Variants in TJP1 observed in about 807,000 individuals in gnomAD.
The protein encoded by TJP1 is tight junction protein 1.
TJP1 carries 43 observed loss-of-function variants against 194.2 expected under a neutral mutation model. The observed-to-expected ratio is 0.22, with a 90% CI of 0.17 to 0.29. The LOEUF (loss-of-function observed/expected upper bound fraction) is 0.29. TJP1 is among the 10% of genes least tolerant of loss of function. The pLI is 1.00. For synonymous variants in TJP1, 801 were observed against 779.0 expected (o/e 1.03, Z -0.47); for missense variants, 1,971 against 2,185.7 (o/e 0.90, Z 1.96).
intron 2 of TJP1, among the ~76,000 whole-genome samples, chr15:29,839,867 T>C (rs981596795): frequency 1.3e-5 from 2 of 152,226 alleles, no homozygotes; most frequent in Admixed American, 6.5e-5. Context: ...CTACCACCAA[T>C]GTAGGAGTGA....
At chr15:29,822,516 C>G, upstream of TJP1, 1 of 978,668 alleles carries the variant, frequency 1.0e-6, no homozygotes, top group Non-Finnish European at 1.2e-6. Flanking sequence ...CCGGCGGGGG[C>G]GGGGCTGGAC....
chr15:29,712,773 A>G (rs909370254), intron 23 of TJP1, among the ~76,000 whole-genome samples: 5 of 151,666 alleles, frequency 3.3e-5, no homozygotes, highest in Admixed American at 6.6e-5. Flanking sequence ...AAGGATAATT[A>G]GCAGGTTCTG....
intron 5 of TJP1, 147 bp downstream of exon 5, chr15:29,766,119 C>T: frequency 2.8e-6 from 3 of 1,061,108 alleles, no homozygotes; most frequent in Non-Finnish European, 4.0e-6. Flanking sequence ...TCCCTGAAGC[C>T]TGCCATAACA....
At chr15:29,964,482 G>A (rs975994853) in intron 1 of TJP1, among the ~76,000 whole-genome samples, 3 of 152,166 alleles carry the variant, frequency 2.0e-5, no homozygotes, top group Admixed American at 2.0e-4. Context: ...GACAGAAGCA[G>A]AGAATGGATT....
intron 8 of TJP1, among the ~76,000 whole-genome samples, chr15:29,747,587 GT>G (rs1385442520): frequency 6.6e-6 from 1 of 152,150 alleles, no homozygotes; most frequent in Non-Finnish European, 1.5e-5. Context: ...AATTTTAATA[GT>G]TCTACAGATT....
intron 25 of TJP1, among the ~76,000 whole-genome samples, chr15:29,707,020 T>C (rs1252588464): frequency 6.6e-6 from 1 of 152,094 alleles, no homozygotes; most frequent in African/African-American, 2.4e-5. Flanking sequence ...TCAGACTTGA[T>C]AAAATCTCCC....
At chr15:29,918,813 G>A (rs1030340295) in intron 2 of TJP1, among the ~76,000 whole-genome samples, 10 of 152,172 alleles carry the variant, frequency 6.6e-5, no homozygotes, top group African/African-American at 1.7e-4. Context: ...AGCAAATAGC[G>A]TAAAAAGAGA....
chr15:29,872,006 C>T (rs1434375213), intron 2 of TJP1, among the ~76,000 whole-genome samples: 1 of 152,192 alleles, frequency 6.6e-6, no homozygotes, highest in African/African-American at 2.4e-5. Flanking sequence ...CAGGTCTGAA[C>T]ACACAGCACA....
rs1248126790 is a variant in TJP1, at chr15:29,719,771, A to G, written c.3003+6T>C. The G allele has an allele frequency of 1.2e-6, 2 of 1,611,052 alleles. No individual in the cohort carries two copies. The highest frequency in any genetic ancestry group is 1.7e-6 in the Non-Finnish European group (2 of 1,178,080). ...ACAAATTAGTGCAACACCGCAGCAC[A>G]GGTACCTTTGTTGGATCTACATGCG... is the stretch of plus-strand genomic sequence containing the variant. On this transcript the variant is annotated splice_donor_region_variant and intron_variant, in intron 20 of 27. Coordinates refer to ENST00000614355, the MANE Select transcript of TJP1 (RefSeq NM_001330239.4).
chr15:29,842,515 T>A (rs2152068736), intron 2 of TJP1, among the ~76,000 whole-genome samples: 1 of 152,140 alleles, frequency 6.6e-6, no homozygotes, highest in South Asian at 2.1e-4. Flanking sequence ...ATGGTTCACC[T>A]CACATGCACG....
In TJP1 at chr15:29,715,193, G is replaced by A. The variant is rs151333785; in HGVS notation, c.4202+1418C>T. 2.6e-4 allele frequency among the ~76,000 whole-genome samples: 39 copies of A among 152,072 alleles called. No homozygotes were observed. The East Asian group carries it at 3.9e-3, about 15-fold the overall frequency. ...GGTATGAACCCAGCTGTGCACCTGT[G>A]TGGGTTTATATTGTGCTAGCTCACT... On this transcript the variant is annotated intron_variant, in intron 23 of 27. Coordinates refer to ENST00000614355, the MANE Select transcript of TJP1 (RefSeq NM_001330239.4).
At chr15:29,801,919 A>T (rs1020783647) in intron 1 of TJP1, among the ~76,000 whole-genome samples, 11 of 152,044 alleles carry the variant, frequency 7.2e-5, no homozygotes, top group Admixed American at 5.2e-4. Flanking sequence ...AAAATCTCAT[A>T]ATGTTGTAAG....
At chr15:29,748,184 C>A (rs1566947811) in intron 8 of TJP1, among the ~76,000 whole-genome samples, 1 of 152,266 alleles carries the variant, frequency 6.6e-6, no homozygotes, top group East Asian at 1.9e-4. Flanking sequence ...AATTTTATTA[C>A]TCAATGTATC....
intron 4 of TJP1, among the ~76,000 whole-genome samples, chr15:29,768,839 A>G (rs1193506812): frequency 4.6e-5 from 7 of 151,956 alleles, no homozygotes; most frequent in African/African-American, 1.7e-4. Context: ...ATATTTAGGA[A>G]AAAAAATGCC....
intron 2 of TJP1, among the ~76,000 whole-genome samples, chr15:29,921,146 G>A (rs1258630333): frequency 1.3e-5 from 2 of 152,088 alleles, no homozygotes; most frequent in Non-Finnish European, 2.9e-5. Context: ...CCATCATCCT[G>A]GATTATTTCA....
In TJP1 at chr15:29,820,693, G is replaced by C. The variant is rs41280060; in HGVS notation, c.27+1309C>G. 6.8e-3 allele frequency: 4,097 copies of C among 602,954 alleles called. 22 individuals carry two copies. Among genetic ancestry groups the C allele is most frequent in the Non-Finnish European group, 8.9e-3 (2,969 of 332,964 alleles). 37.4% of individuals were successfully genotyped at this position (602,954 alleles called of 1,614,324 possible). ...TTTCCTCCTAGGAAAGAAAGCCCCA[G>C]AAAAGACAAATAATGGGAGCTTATT... On this transcript the variant is annotated intron_variant, in intron 1 of 27. Coordinates refer to ENST00000614355, the MANE Select transcript of TJP1 (RefSeq NM_001330239.4).
chr15:29,701,498 T>C lies in TJP1; in HGVS notation c.*97A>G. ...AATGCCTCATACTAACAAACTGTAGTATCAACTCTAAAAAAGGTATAATAC... is the reference window on the plus strand; with the variant it reads ...AATGCCTCATACTAACAAACTGTAGCATCAACTCTAAAAAAGGTATAATAC... On this transcript the variant is annotated 3_prime_UTR_variant, in exon 28 of 28. Coordinates refer to ENST00000614355, the MANE Select transcript of TJP1 (RefSeq NM_001330239.4). The C allele has an allele frequency of 1.0e-6, 1 of 961,368 alleles. No homozygotes were observed. The highest frequency in any genetic ancestry group is 1.6e-6 in the Non-Finnish European group (1 of 628,920). The allele number at this position is 961,368 out of a possible 1,614,324, so 59.6% of individuals were successfully genotyped here.
chr15:29,962,014 G>C (rs766295327), intron 1 of TJP1, among the ~76,000 whole-genome samples: 1 of 152,174 alleles, frequency 6.6e-6, no homozygotes, highest in Non-Finnish European at 1.5e-5. Flanking sequence ...CACCCATTAT[G>C]TCACACCTAC....
intron 1 of TJP1, among the ~76,000 whole-genome samples, chr15:29,964,054 T>C (rs2056252004): frequency 6.6e-6 from 1 of 152,212 alleles, no homozygotes; most frequent in South Asian, 2.1e-4. Flanking sequence ...GGAGTAACTA[T>C]TATTTGTGCC....
Sources: allele counts gnomAD v4.1 joint callset (sites outside exome capture counted in the v4.1 genomes callset), GRCh38; gene constraint gnomAD v4.1.1; transcripts MANE v1.5; gene names NCBI Gene and HGNC (gene_info 2026-07-23, HGNC 2026-07-21).